The following GATA3 variants were observed in gnomAD, a reference collection of about 807,000 sequenced individuals.
The protein encoded by GATA3 is trans-acting T-cell-specific transcription factor GATA-3.
GATA3 carries 6 observed loss-of-function variants against 36.0 expected under a neutral mutation model. That is an observed-to-expected ratio of 0.17 (90% CI 0.09 to 0.33). The LOEUF (loss-of-function observed/expected upper bound fraction) is 0.33. Ranked by LOEUF, GATA3 falls within the 10% of genes least tolerant of loss-of-function variation. GATA3 has a pLI of 1.00. For synonymous variants in GATA3, 326 were observed against 273.0 expected, an observed-to-expected ratio of 1.19 and a Z score of -1.92; for missense variants, 514 against 610.1, an observed-to-expected ratio of 0.84 and a Z score of 1.66.
chr10:8,052,058 C>T (rs895661054), upstream of GATA3, among the ~76,000 whole-genome samples: 3 of 152,206 alleles, frequency 2.0e-5, no homozygotes, highest in African/African-American at 2.4e-5. Flanking sequence ...CGAGACTGGC[C>T]GGCGCGGGCC....
chr10:8,045,495 C>T lies in GATA3; in HGVS notation c.-390C>T, dbSNP rs144455177. 1.9e-3 allele frequency: 284 copies of T among 152,446 alleles called. 1 individual carries two copies. Among genetic ancestry groups the T allele is most frequent in the Non-Finnish European group, 3.4e-3 (230 of 68,048 alleles). The allele number at this position is 152,446 out of a possible 1,614,324, so 9.4% of individuals were successfully genotyped here. On this transcript the variant is annotated 5_prime_UTR_variant, in exon 1 of 2. Transcript: ENST00000643001. Reference sequence around the variant, plus strand: ...GGAAAAAAAATAAAAAACAGCTGGCCCTCGGGAGCGAGCTGCCCAGGTCAG... The same window carrying T: ...GGAAAAAAAATAAAAAACAGCTGGCTCTCGGGAGCGAGCTGCCCAGGTCAG...
At chr10:8,057,620 G>A (rs746319919) in intron 2 of GATA3, among the ~76,000 whole-genome samples, 1 of 152,116 alleles carries the variant, frequency 6.6e-6, no homozygotes, top group East Asian at 1.9e-4. Context: ...CCAACAGCCC[G>A]AGCAATGAAA....
intron 1 of GATA3, among the ~76,000 whole-genome samples, chr10:8,047,540 T>C (rs1832407143): frequency 6.6e-6 from 1 of 152,246 alleles, no homozygotes; most frequent in African/African-American, 2.4e-5. Context: ...AGAGAGGCTT[T>C]GTAGCCTCCA....
intron 3 of GATA3, among the ~76,000 whole-genome samples, chr10:8,060,951 G>A (rs2131495273): frequency 6.6e-6 from 1 of 152,252 alleles, no homozygotes; most frequent in East Asian, 1.9e-4. Flanking sequence ...CAGGGGCGGC[G>A]AGCGAGCTGG....
At chr10:8,072,260 G>T (rs984302079) in intron 5 of GATA3, among the ~76,000 whole-genome samples, 2 of 152,168 alleles carry the variant, frequency 1.3e-5, no homozygotes, top group Non-Finnish European at 2.9e-5. Flanking sequence ...TCCTTTCTTA[G>T]CTGTGATTTT....
At chr10:8,045,828 C>G (rs142673461) in intron 1 of GATA3, among the ~76,000 whole-genome samples, 1 of 152,160 alleles carries the variant, frequency 6.6e-6, no homozygotes, top group Admixed American at 6.5e-5. Flanking sequence ...GCCGGAGACA[C>G]GTTTCCCACT....
At chr10:8,049,017 C>T (rs1035109435), upstream of GATA3, among the ~76,000 whole-genome samples, 1 of 151,834 alleles carries the variant, frequency 6.6e-6, no homozygotes, top group African/African-American at 2.4e-5. Flanking sequence ...CCCCACGGCT[C>T]GCGGCTCTCC....
chr10:8,065,183 T>C (rs1264639481), intron 4 of GATA3, among the ~76,000 whole-genome samples: 4 of 151,930 alleles, frequency 2.6e-5, no homozygotes, highest in Non-Finnish European at 4.4e-5. Flanking sequence ...AAGAATACTT[T>C]GCCCTCCCCA....
chr10:8,071,672 A>C (rs1271390353), intron 5 of GATA3, among the ~76,000 whole-genome samples: 3 of 152,154 alleles, frequency 2.0e-5, no homozygotes, highest in Non-Finnish European at 4.4e-5. Context: ...TCTCTGGTTT[A>C]CCAGGAATTT....
chr10:8,071,602 C>T (rs1483354611), intron 5 of GATA3, among the ~76,000 whole-genome samples: 1 of 152,176 alleles, frequency 6.6e-6, no homozygotes, highest in Non-Finnish European at 1.5e-5. Context: ...GTCTTCATGG[C>T]TGGGCTCCAG....
chr10:8,056,757 C>G (rs763565004), intron 2 of GATA3, among the ~76,000 whole-genome samples: 72 of 152,150 alleles, frequency 4.7e-4, no homozygotes, highest in Non-Finnish European at 9.7e-4. Flanking sequence ...ACCTCTTTCT[C>G]CCTTTCACCT....
At chr10:8,062,848 T>C (rs1832772595) in intron 3 of GATA3, among the ~76,000 whole-genome samples, 1 of 152,184 alleles carries the variant, frequency 6.6e-6, no homozygotes, top group South Asian at 2.1e-4. Context: ...AACTGGGCGC[T>C]AGAGACCCGT....
chr10:8,058,677 T>C lies in GATA3; in HGVS notation c.614T>C (p.Met205Thr). The change falls in exon 3 of 6, where the codon ATG becomes ACG. Residue 205 changes from methionine (M) to threonine (T), a missense_variant. Around this residue, in one of 3 missense-constraint regions of GATA3, gnomAD observed 381 missense variants for 354.3 expected, o/e 1.08. Coordinates refer to ENST00000379328, the MANE Select transcript of GATA3 (RefSeq NM_001002295.2). ...GAGTCGTCCCACTCCCGTGGCAGCA[T>C]GACCGCCCTGGGTGGAGCCTCCTCG... ...KLESSHSRGSMTALGGASSST... is the reference protein window; with the variant it reads ...KLESSHSRGSTTALGGASSST... 1 of 1,613,290 alleles carries C rather than the reference T, an allele frequency of 6.2e-7. No homozygotes were observed. Among genetic ancestry groups the C allele is most frequent in the Non-Finnish European group, 8.5e-7 (1 of 1,179,968 alleles).
intron 1 of GATA3, among the ~76,000 whole-genome samples, chr10:8,046,636 C>T (rs1437352464): frequency 5.8e-5 from 8 of 138,394 alleles, no homozygotes; most frequent in African/African-American, 2.1e-4. Flanking sequence ...CTTGGGGGCC[C>T]AAATGGCTGG....
chr10:8,060,944 G>C (rs1832737261), intron 3 of GATA3, among the ~76,000 whole-genome samples: 1 of 152,150 alleles, frequency 6.6e-6, no homozygotes, highest in Non-Finnish European at 1.5e-5. Flanking sequence ...CACCTGGCAG[G>C]GGCGGCGAGC....
Position 8,058,190 on chromosome 10 carries a change from C to T in GATA3, c.242-115C>T, listed in dbSNP as rs1489470511. 1.3e-5 allele frequency: 15 copies of T among 1,189,982 alleles called. No homozygotes were observed. The East Asian group carries it at 2.6e-4, about 21-fold the overall frequency. The allele number at this position is 1,189,982 out of a possible 1,614,324, so 73.7% of individuals were successfully genotyped here. On this transcript the variant is annotated intron_variant, in intron 2 of 5. Coordinates refer to ENST00000379328, the MANE Select transcript of GATA3 (RefSeq NM_001002295.2). ...ATGAGAGAGTGGGCCTGAGCCCGGG[C>T]TTTTGCTGAAAAGGAGGCCGATGCG...
intron 3 of GATA3, 23 bp from the exon 4 acceptor site, chr10:8,063,970 C>T: frequency 1.2e-6 from 2 of 1,614,202 alleles, no homozygotes; most frequent in Non-Finnish European, 1.7e-6. Context: ...CCCTAAGTGG[C>T]TTATCTGTGC....
chr10:8,048,042 T>C (rs1331540515), intron 1 of GATA3, among the ~76,000 whole-genome samples: 1 of 152,218 alleles, frequency 6.6e-6, no homozygotes, highest in Non-Finnish European at 1.5e-5. Flanking sequence ...CTATCCGTGC[T>C]GTGAACACAT....
At chr10:8,049,310 C>T (rs898650017), upstream of GATA3, among the ~76,000 whole-genome samples, 2 of 152,162 alleles carry the variant, frequency 1.3e-5, no homozygotes, top group Non-Finnish European at 2.9e-5. Flanking sequence ...GTTTTAGGGT[C>T]CCTCTTTCTC....
Sources: gnomAD v4.1 joint callset for allele counts (sites outside exome capture counted in the v4.1 genomes callset) on GRCh38, gnomAD v4.1.1 for gene constraint, gnomAD v4.1.1 regional missense constraint, MANE v1.5 for transcripts, NCBI Gene and HGNC (gene_info 2026-07-23, HGNC 2026-07-21) for gene names.